The following SLC24A2 variants were observed in gnomAD, a reference collection of about 807,000 sequenced individuals.
The protein encoded by SLC24A2 is sodium/potassium/calcium exchanger 2.
Under a neutral mutation model 62.0 loss-of-function variants are expected in SLC24A2, and 36 were observed. The observed-to-expected ratio is 0.58, with a 90% CI of 0.44 to 0.77. The LOEUF (loss-of-function observed/expected upper bound fraction) is 0.77. SLC24A2 is among the 30% of genes least tolerant of loss of function. The pLI, the probability that SLC24A2 is intolerant of heterozygous loss-of-function variation, is 0.00. For synonymous variants in SLC24A2, 358 were observed against 294.0 expected, an observed-to-expected ratio of 1.22 and a Z score of -2.23; for missense variants, 846 against 817.9, an observed-to-expected ratio of 1.03 and a Z score of -0.42.
intron 4 of SLC24A2, among the ~76,000 whole-genome samples, chr9:19,612,678 C>A (rs1837211560): frequency 1.3e-5 from 2 of 152,144 alleles, no homozygotes; most frequent in Admixed American, 1.3e-4. Flanking sequence ...CTGTACTAGA[C>A]TACCTCTCTG....
chr9:20,252,817 T>G, the SLC24A2 span, among the ~76,000 whole-genome samples: 1 of 152,212 alleles, frequency 6.6e-6, no homozygotes, highest in Non-Finnish European at 1.5e-5. Flanking sequence ...CCACTCCAAA[T>G]TTTCATACTC....
At chr9:19,547,949 C>T (rs1302951055) in intron 8 of SLC24A2, among the ~76,000 whole-genome samples, 3 of 151,634 alleles carry the variant, frequency 2.0e-5, no homozygotes, top group African/African-American at 7.3e-5. Context: ...TTCAGGAAGC[C>T]AGGCCTTTGC....
chr9:19,832,284 G>T, the SLC24A2 span, among the ~76,000 whole-genome samples: 12 of 152,322 alleles, frequency 7.9e-5, no homozygotes, highest in East Asian at 2.3e-3. Flanking sequence ...TAATTTGGCT[G>T]ATTTTAAATG....
intron 2 of SLC24A2, among the ~76,000 whole-genome samples, chr9:19,722,029 A>G (rs1452706396): frequency 1.3e-5 from 2 of 152,164 alleles, no homozygotes; most frequent in Non-Finnish European, 2.9e-5. Context: ...CCCATTGGTT[A>G]GGCAATCCCT....
intron 2 of SLC24A2, among the ~76,000 whole-genome samples, chr9:19,748,082 A>T (rs1821885451): frequency 6.6e-6 from 1 of 152,162 alleles, no homozygotes; most frequent in Admixed American, 6.6e-5. Context: ...CAAAATTCGT[A>T]AGTTCACTAA....
intron 7 of SLC24A2, among the ~76,000 whole-genome samples, chr9:19,559,953 G>T (rs1043078739): frequency 8.6e-5 from 13 of 152,038 alleles, no homozygotes; most frequent in African/African-American, 2.9e-4. Flanking sequence ...GGATCATTTT[G>T]GTCTCACCGA....
chr9:19,794,471 G>A, the SLC24A2 span, among the ~76,000 whole-genome samples: 1 of 152,126 alleles, frequency 6.6e-6, no homozygotes, highest in African/African-American at 2.4e-5. Flanking sequence ...TGTGGGAGAA[G>A]GGTGAGGATT....
In SLC24A2 at chr9:19,582,915, C is replaced by G. The variant is rs1242656939; in HGVS notation, c.1130-5893G>C. ...TTCCACCCCTTTCCCACTCCCCACT[C>G]CGCACACCCACCCAACCAGCACCAA... On this transcript the variant is annotated intron_variant, in intron 5 of 10. Transcript: ENST00000341998. Among the ~76,000 whole-genome samples, 4 of 152,092 alleles carry G rather than the reference C, an allele frequency of 2.6e-5. No individual in the cohort carries two copies. In the South Asian group the frequency reaches 8.3e-4, roughly 32 times the overall value.
At chr9:20,290,634 G>C in the SLC24A2 span, among the ~76,000 whole-genome samples, 1 of 152,216 alleles carries the variant, frequency 6.6e-6, no homozygotes, top group Non-Finnish European at 1.5e-5. Context: ...AGCTCCTGCA[G>C]GTTTTTGCTG....
chr9:19,565,665 T>G (rs959252147), intron 7 of SLC24A2, among the ~76,000 whole-genome samples: 2 of 152,208 alleles, frequency 1.3e-5, no homozygotes, highest in African/African-American at 4.8e-5. Context: ...AAGATAATCC[T>G]AAGCCAAAAG....
At chr9:19,575,179 T>C (rs1200757469) in intron 6 of SLC24A2, among the ~76,000 whole-genome samples, 4 of 152,214 alleles carry the variant, frequency 2.6e-5, no homozygotes, top group African/African-American at 7.2e-5. Context: ...ATTTACTTTA[T>C]CTTTCCAAGT....
chr9:20,288,831 C>A, the SLC24A2 span, among the ~76,000 whole-genome samples: 1 of 151,860 alleles, frequency 6.6e-6, no homozygotes, highest in Non-Finnish European at 1.5e-5. Context: ...CTCTGGCTGT[C>A]TCCTAGGATG....
chr9:19,793,800 T>C (rs1017352165), upstream of SLC24A2, among the ~76,000 whole-genome samples: 1 of 152,202 alleles, frequency 6.6e-6, no homozygotes, highest in African/African-American at 2.4e-5. Flanking sequence ...CCTGTTGAGA[T>C]TATATACTTA....
At chr9:19,625,829 G>C (rs551809803) in intron 2 of SLC24A2, among the ~76,000 whole-genome samples, 3 of 151,846 alleles carry the variant, frequency 2.0e-5, no homozygotes, top group Non-Finnish European at 4.4e-5. Flanking sequence ...TGGGATTACA[G>C]GTGCCCGCCA....
chr9:19,680,426 A>ATTTCAT (rs1819686753), intron 2 of SLC24A2, among the ~76,000 whole-genome samples: 1 of 152,070 alleles, frequency 6.6e-6, no homozygotes, highest in Non-Finnish European at 1.5e-5. Context: ...AGGGATGAAA[A>ATTTCAT]TGAAGGAAGC....
chr9:19,680,269 G>A (rs1819682187), intron 2 of SLC24A2, among the ~76,000 whole-genome samples: 1 of 152,146 alleles, frequency 6.6e-6, no homozygotes, highest in African/African-American at 2.4e-5. Context: ...TCTGAAGGAT[G>A]ATAGCAGTGG....
the SLC24A2 span, among the ~76,000 whole-genome samples, chr9:20,261,884 C>T: frequency 3.3e-5 from 5 of 151,738 alleles, no homozygotes; most frequent in South Asian, 4.2e-4. Flanking sequence ...GGACTACAGG[C>T]GCCCGCCACC....
At chr9:20,138,483 G>A in the SLC24A2 span, among the ~76,000 whole-genome samples, 9 of 152,070 alleles carry the variant, frequency 5.9e-5, no homozygotes, top group African/African-American at 2.2e-4. Flanking sequence ...TATGAAATCT[G>A]GATCCTGAAA....
chr9:20,159,195 A>G, the SLC24A2 span, among the ~76,000 whole-genome samples: 1 of 151,650 alleles, frequency 6.6e-6, no homozygotes, highest in African/African-American at 2.4e-5. Flanking sequence ...AATATGTGGA[A>G]TATCATACAC....
Sources: allele counts gnomAD v4.1 joint callset (sites outside exome capture counted in the v4.1 genomes callset), GRCh38; gene constraint gnomAD v4.1.1; transcripts MANE v1.5; gene names NCBI Gene and HGNC (gene_info 2026-07-23, HGNC 2026-07-21).